Variants in SMARCAD1 observed in about 807,000 individuals in gnomAD.
SMARCAD1 encodes the protein SWI/SNF-related matrix-associated actin-dependent regulator of chromatin subfamily A containing DEAD/H box 1.
In SMARCAD1, 25 loss-of-function variants were observed where a neutral mutation model predicts 127.1. The ratio of observed to expected loss-of-function variants is 0.20; its 90% CI spans 0.14 to 0.27. SMARCAD1 has a LOEUF of 0.27. Ranked by LOEUF, SMARCAD1 falls within the 10% of genes least tolerant of loss-of-function variation. SMARCAD1 has a pLI of 1.00. For missense variants in SMARCAD1, 807 were observed against 1,206.0 expected, an observed-to-expected ratio of 0.67 and a Z score of 4.90; for synonymous variants, 400 against 396.9, an observed-to-expected ratio of 1.01 and a Z score of -0.09.
At chr4:94,258,588 CTT>C (rs1444077219) in intron 9 of SMARCAD1, among the ~76,000 whole-genome samples, 2 of 152,122 alleles carry the variant, frequency 1.3e-5, no homozygotes, top group South Asian at 4.1e-4. Context: ...TTTTGAGTCT[CTT>C]GTTTCTGAAT....
At chr4:94,277,252 C>T (rs1279957717) in intron 16 of SMARCAD1, 93 bp downstream of exon 16, 3 of 1,416,976 alleles carry the variant, frequency 2.1e-6, no homozygotes, top group African/African-American at 1.4e-5. Context: ...TTTCATAGTG[C>T]ATATGCTCTA....
chr4:94,280,892 C>G, intron 20 of SMARCAD1, 112 bp downstream of exon 20: 1 of 1,006,196 alleles, frequency 9.9e-7, no homozygotes, highest in Non-Finnish European at 1.5e-6. Flanking sequence ...CTGCATTCTT[C>G]CAGAACTTAG....
intron 15 of SMARCAD1, 96 bp downstream of exon 15, chr4:94,276,570 A>C: frequency 1.4e-6 from 2 of 1,435,772 alleles, no homozygotes; most frequent in Non-Finnish European, 1.9e-6. Flanking sequence ...TGTATTATGT[A>C]GTTTAATATA....
intron 2 of SMARCAD1, among the ~76,000 whole-genome samples, chr4:94,216,017 C>G (rs1359774102): frequency 1.3e-5 from 2 of 152,128 alleles, no homozygotes; most frequent in African/African-American, 4.8e-5. Flanking sequence ...CAATAGAAAT[C>G]TACTCTTGGC....
rs749755207 is a variant in SMARCAD1 at position 94,289,483 on chromosome 4, G to A, written c.3030G>A (p.Gly1010=). The A allele has an allele frequency of 6.2e-7, 1 of 1,613,008 alleles. No individual in the cohort carries two copies. Among genetic ancestry groups the A allele is most frequent in the South Asian group, 1.1e-5 (1 of 91,046 alleles). ...CTTTCTGACCTACAGGTGATGAAGG[G>A]AGTATGCCAGCAGATATAGCCACAT... The part of the protein sequence containing the change: ...DMTTVDEGDE[G]SMPADIATLL... The change falls in exon 24 of 24, where the codon GGG becomes GGA. Residue 1010 remains glycine, a synonymous_variant. Coordinates refer to ENST00000354268, the MANE Select transcript of SMARCAD1 (RefSeq NM_020159.5).
At chr4:94,207,654 C>G (rs946225177), upstream of SMARCAD1, 3 of 155,066 alleles carry the variant, frequency 1.9e-5, no homozygotes, top group African/African-American at 7.2e-5. Flanking sequence ...TGGAAGGTCC[C>G]GGCACGGCTA....
chr4:94,255,427 A>G (rs1749920025), intron 9 of SMARCAD1, among the ~76,000 whole-genome samples: 1 of 152,050 alleles, frequency 6.6e-6, no homozygotes, highest in Non-Finnish European at 1.5e-5. Context: ...AATCATTAGT[A>G]TTTCATTGTC....
chr4:94,249,607 T>C, intron 6 of SMARCAD1, 47 bp from the exon 7 acceptor site: 1 of 981,446 alleles, frequency 1.0e-6, no homozygotes, highest in Non-Finnish European at 1.7e-6. Flanking sequence ...AAGACCATTG[T>C]TATTGATATC....
intron 9 of SMARCAD1, among the ~76,000 whole-genome samples, chr4:94,262,909 A>G (rs201426312): frequency 2.9e-5 from 3 of 103,066 alleles, no homozygotes; most frequent in Non-Finnish European, 6.2e-5. Flanking sequence ...AAAAAAAAAG[A>G]AAGAAAAGAA....
chr4:94,207,652 C>T (rs758777559), upstream of SMARCAD1: 32 of 154,984 alleles, frequency 2.1e-4, no homozygotes, highest in Non-Finnish European at 4.0e-4. Flanking sequence ...TTTGGAAGGT[C>T]CCGGCACGGC....
chr4:94,282,297 C>T (rs1308836056), intron 21 of SMARCAD1, among the ~76,000 whole-genome samples: 1 of 148,678 alleles, frequency 6.7e-6, no homozygotes, highest in Non-Finnish European at 1.5e-5. Context: ...GGGGTTTCAC[C>T]GTGTTAGCCA....
At chr4:94,253,922 G>A (rs1439588333) in intron 9 of SMARCAD1, among the ~76,000 whole-genome samples, 1 of 152,046 alleles carries the variant, frequency 6.6e-6, no homozygotes, top group Admixed American at 6.6e-5. Context: ...GACTCTTGAT[G>A]CTTTATAAAA....
chr4:94,216,600 T>G (rs1006986937), intron 2 of SMARCAD1, among the ~76,000 whole-genome samples: 23 of 152,338 alleles, frequency 1.5e-4, no homozygotes, highest in African/African-American at 4.1e-4. Context: ...TCTTTATGCA[T>G]TGAACAACTA....
intron 2 of SMARCAD1, among the ~76,000 whole-genome samples, chr4:94,221,332 G>A (rs957061520): frequency 2.0e-5 from 3 of 152,156 alleles, no homozygotes; most frequent in Admixed American, 6.5e-5. Context: ...ATAATACATG[G>A]TTAACGGTTT....
chr4:94,244,495 A>C (rs971890632), intron 6 of SMARCAD1, among the ~76,000 whole-genome samples: 16 of 152,230 alleles, frequency 1.1e-4, no homozygotes, highest in Admixed American at 3.3e-4. Flanking sequence ...CCCAAATATG[A>C]AAGACAGAAA....
intron 9 of SMARCAD1, 200 bp downstream of exon 9, chr4:94,253,207 A>AT (rs1171669413): frequency 4.0e-6 from 6 of 1,505,868 alleles, no homozygotes; most frequent in Non-Finnish European, 5.3e-6. Flanking sequence ...TTAAGGGGTG[A>AT]TTTTCCTGAA....
At chr4:94,218,296 T>A (rs914101430) in intron 2 of SMARCAD1, among the ~76,000 whole-genome samples, 1 of 152,070 alleles carries the variant, frequency 6.6e-6, no homozygotes, top group Admixed American at 6.6e-5. Flanking sequence ...ATTTTATTTT[T>A]TTTTTGAGAT....
chr4:94,285,684 C>T (rs990551646), intron 23 of SMARCAD1, among the ~76,000 whole-genome samples: 2 of 152,084 alleles, frequency 1.3e-5, no homozygotes, highest in African/African-American at 4.8e-5. Context: ...GAGAGAAGTG[C>T]GTATGATCAA....
chr4:94,243,466 A>G (rs1042092968), intron 6 of SMARCAD1, among the ~76,000 whole-genome samples: 1 of 152,218 alleles, frequency 6.6e-6, no homozygotes, highest in South Asian at 2.1e-4. Context: ...CCCAGATCAC[A>G]TAACGGCTCA....
Sources: allele counts gnomAD v4.1 joint callset (sites outside exome capture counted in the v4.1 genomes callset), GRCh38; gene constraint gnomAD v4.1.1; transcripts MANE v1.5; gene names NCBI Gene and HGNC (gene_info 2026-07-23, HGNC 2026-07-21).